ERI3: variants seen among roughly 807,000 people sequenced by gnomAD.
The protein encoded by ERI3 is ERI1 exoribonuclease family member 3, also known as ERI1 exoribonuclease 3.
Under a neutral mutation model 44.4 loss-of-function variants are expected in ERI3, and 18 were observed. The ratio of observed to expected loss-of-function variants is 0.41; its 90% CI spans 0.28 to 0.60. The LOEUF (loss-of-function observed/expected upper bound fraction) is 0.60. Ranked by LOEUF, ERI3 falls within the 20% of genes least tolerant of loss-of-function variation. The pLI is 0.36. For synonymous variants in ERI3, 183 were observed against 164.8 expected, an observed-to-expected ratio of 1.11 and a Z score of -0.84; for missense variants, 294 against 435.5, an observed-to-expected ratio of 0.68 and a Z score of 2.89.
intron 6 of ERI3, among the ~76,000 whole-genome samples, chr1:44,293,550 G>A (rs1645551396): frequency 6.6e-6 from 1 of 152,192 alleles, no homozygotes; most frequent in African/African-American, 2.4e-5. Flanking sequence ...TCCAGGCGAG[G>A]TGGGGTAAGA....
Position 44,221,571 on chromosome 1 carries a change from G to A in ERI3, c.1001C>T (p.Ser334Leu). The change falls in exon 9 of 9, where the codon TCG becomes TTG. Residue 334 changes from serine (S) to leucine (L), a missense_variant. Physicochemically the swap from Ser to Leu is moderately radical, Grantham distance 145. Around this residue, in one of 2 missense-constraint regions of ERI3, gnomAD observed 187 missense variants for 338.6 expected, o/e 0.55. Transcript: ENST00000372257. The surrounding 1 kb of genome is among the most constrained non-coding windows in gnomAD (Gnocchi z 5.9). ...AYRGFIFKQTSKPF is the reference protein window; with the variant it reads ...AYRGFIFKQTLKPF ...GTCCTCGGCCAATCAGAACGGCTTC[G>A]ATGTCTGCTTGAAGATGAAGCCTCG... 1.2e-6 allele frequency: 2 copies of A among 1,614,078 alleles called. No individual in the cohort carries two copies. Among genetic ancestry groups the A allele is most frequent in the Non-Finnish European group, 8.5e-7 (1 of 1,179,920 alleles).
chr1:44,277,816 C>T (rs972166460), intron 7 of ERI3, among the ~76,000 whole-genome samples: 3 of 152,174 alleles, frequency 2.0e-5, no homozygotes, highest in Admixed American at 1.3e-4. Context: ...GTTTCATCAT[C>T]GCTCCATGCC....
At chr1:44,343,009 C>G (rs1646716049) in intron 2 of ERI3, among the ~76,000 whole-genome samples, 1 of 150,512 alleles carries the variant, frequency 6.6e-6, no homozygotes, top group South Asian at 2.1e-4. Context: ...GCACCCAGCC[C>G]CAGTTGCCTT....
chr1:44,345,945 C>A (rs1572345948), intron 2 of ERI3, among the ~76,000 whole-genome samples: 1 of 152,214 alleles, frequency 6.6e-6, no homozygotes, highest in Non-Finnish European at 1.5e-5. Context: ...AAGGAAAAGG[C>A]CTCACTAGTC....
chr1:44,265,289 T>A (rs1644968610), intron 7 of ERI3, among the ~76,000 whole-genome samples: 1 of 152,210 alleles, frequency 6.6e-6, no homozygotes, highest in Non-Finnish European at 1.5e-5. Flanking sequence ...CACTGATGAA[T>A]GAACTTACAC....
chr1:44,241,651 G>A lies in ERI3; in HGVS notation c.931+6288C>T, dbSNP rs1256991007. ...TCTATCTGCAAGTGCTAATTTGGCC[G>A]GCATTGATCTGTCTTTCTGATTTCT... On this transcript the variant is annotated intron_variant, in intron 8 of 8. Transcript: ENST00000372257. The surrounding 1 kb of genome is among the most constrained non-coding windows in gnomAD (Gnocchi z 5.6). 2.0e-5 allele frequency among the ~76,000 whole-genome samples: 3 copies of A among 152,240 alleles called. No individual in the cohort carries two copies. Among genetic ancestry groups the A allele is most frequent in the Non-Finnish European group, 2.9e-5 (2 of 68,026 alleles).
chr1:44,347,427 T>C (rs1376882161), intron 2 of ERI3, among the ~76,000 whole-genome samples: 1 of 152,226 alleles, frequency 6.6e-6, no homozygotes, highest in Non-Finnish European at 1.5e-5. Context: ...GGCAGGGTTA[T>C]AACCAATTCT....
Position 44,232,781 on chromosome 1 carries a change from T to C in ERI3, c.932-11141A>G, listed in dbSNP as rs566138451. 5.3e-5 allele frequency among the ~76,000 whole-genome samples: 8 copies of C among 152,210 alleles called. No individual in the cohort carries two copies. In the South Asian group the frequency reaches 1.2e-3, roughly 24 times the overall value. On this transcript the variant is annotated intron_variant, in intron 8 of 8. Transcript: ENST00000372257. ...TTTCACCGGCCAGAGCTCAGAGACA[T>C]GGCTGTACCTAGCTGTCTGGAAAAC... is the stretch of plus-strand genomic sequence containing the variant.
chr1:44,308,515 A>C, intron 5 of ERI3, 114 bp from the exon 6 acceptor site: 1 of 848,034 alleles, frequency 1.2e-6, no homozygotes. Context: ...AGAAAATTGT[A>C]ATCTTATCCA....
At chr1:44,288,175 C>A (rs1423010574) in intron 6 of ERI3, among the ~76,000 whole-genome samples, 2 of 152,150 alleles carry the variant, frequency 1.3e-5, no homozygotes, top group Non-Finnish European at 2.9e-5. Flanking sequence ...GGATACTCAG[C>A]CTGAGATATG....
chr1:44,267,511 A>G (rs1023020906), intron 7 of ERI3, among the ~76,000 whole-genome samples: 1 of 152,214 alleles, frequency 6.6e-6, no homozygotes, highest in Non-Finnish European at 1.5e-5. Context: ...GATAATGGGC[A>G]TTTTATATCT....
intron 6 of ERI3, among the ~76,000 whole-genome samples, chr1:44,299,752 T>A (rs1645685768): frequency 6.6e-6 from 1 of 152,182 alleles, no homozygotes; most frequent in Admixed American, 6.5e-5. Flanking sequence ...GGTTGTGGCC[T>A]GGTGGGAAGC....
intron 8 of ERI3, chr1:44,242,161 G>C: frequency 3.0e-6 from 3 of 984,034 alleles, no homozygotes; most frequent in Non-Finnish European, 3.6e-6. Context: ...ACACCAGAAA[G>C]AACTGGATGG....
intron 2 of ERI3, among the ~76,000 whole-genome samples, chr1:44,348,533 C>A (rs918317700): frequency 1.3e-5 from 2 of 152,188 alleles, no homozygotes; most frequent in African/African-American, 2.4e-5. Context: ...CAATTTTGAA[C>A]ACATCAAAGC....
chr1:44,299,304 T>C (rs1645675410), intron 6 of ERI3, among the ~76,000 whole-genome samples: 1 of 152,132 alleles, frequency 6.6e-6, no homozygotes, highest in African/African-American at 2.4e-5. Context: ...AGCCTCAGCC[T>C]CCTGAGTAGC....
intron 2 of ERI3, among the ~76,000 whole-genome samples, chr1:44,352,413 G>C (rs1210118221): frequency 4.0e-4 from 1 of 2,506 alleles, no homozygotes; most frequent in Non-Finnish European, 1.4e-3. Context: ...CTCATAGATA[G>C]ATAGATAGAT....
At chr1:44,290,574 C>T (rs893192648) in intron 6 of ERI3, among the ~76,000 whole-genome samples, 2 of 152,182 alleles carry the variant, frequency 1.3e-5, no homozygotes, top group African/African-American at 4.8e-5. Flanking sequence ...GTCAGGGAGC[C>T]CTATCTAGTC....
intron 7 of ERI3, among the ~76,000 whole-genome samples, chr1:44,268,634 G>A (rs1240406833): frequency 6.6e-6 from 1 of 152,174 alleles, no homozygotes; most frequent in African/African-American, 2.4e-5. Flanking sequence ...TCCAAGGCAG[G>A]TGACAGCAGG....
At chr1:44,342,454 T>C (rs895676429) in intron 2 of ERI3, among the ~76,000 whole-genome samples, 1 of 151,952 alleles carries the variant, frequency 6.6e-6, no homozygotes, top group Admixed American at 6.6e-5. Flanking sequence ...AGGGAGAAAA[T>C]CTGTGGTGTT....
Sources: gnomAD v4.1 joint callset for allele counts (sites outside exome capture counted in the v4.1 genomes callset) on GRCh38, gnomAD v4.1.1 for gene constraint, gnomAD v4.1.1 regional missense constraint, Gnocchi (gnomAD v3.1) non-coding constraint, MANE v1.5 for transcripts, NCBI Gene and HGNC (gene_info 2026-07-23, HGNC 2026-07-21) for gene names.